The following MAML2 variants were observed in gnomAD, a reference collection of about 807,000 sequenced individuals.
The protein encoded by MAML2 is mastermind like transcriptional coactivator 2, also known as mastermind-like protein 2.
Under a neutral mutation model 96.1 loss-of-function variants are expected in MAML2, and 22 were observed. The ratio of observed to expected loss-of-function variants is 0.23; its 90% CI spans 0.16 to 0.33. The LOEUF (loss-of-function observed/expected upper bound fraction) is 0.33, where lower values mean the gene tolerates loss of function less well. Among genes scored for constraint, MAML2 ranks in the 10% least tolerant of loss-of-function variants. MAML2 has a pLI of 1.00. For missense variants in MAML2, 1,367 were observed against 1,392.4 expected (o/e 0.98, Z 0.29); for synonymous variants, 561 against 521.3 (o/e 1.08, Z -1.04).
At chr11:96,226,157 G>T (rs1288915244) in intron 1 of MAML2, among the ~76,000 whole-genome samples, 6 of 152,198 alleles carry the variant, frequency 3.9e-5, no homozygotes, top group Non-Finnish European at 8.8e-5. Flanking sequence ...CATGGGGATT[G>T]AATCTGAGGA....
chr11:96,256,631 A>G (rs563574), intron 1 of MAML2, among the ~76,000 whole-genome samples: 21,560 of 152,208 alleles, frequency 0.14, 1,709 homozygotes, highest in Admixed American at 0.21. Context: ...TTCCCATGTT[A>G]CATGGTAAGT....
chr11:96,006,378 T>C (rs1018812432), intron 2 of MAML2, among the ~76,000 whole-genome samples: 2 of 152,186 alleles, frequency 1.3e-5, no homozygotes, highest in African/African-American at 4.8e-5. Context: ...AAAAGTCTAC[T>C]GTGGAGAAGA....
intron 2 of MAML2, among the ~76,000 whole-genome samples, chr11:96,057,280 A>G (rs1859085007): frequency 6.6e-6 from 1 of 152,100 alleles, no homozygotes. Flanking sequence ...TTCGTTCCTG[A>G]TTTGGAGTTG....
At chr11:96,186,014 C>T (rs1461410014) in intron 1 of MAML2, among the ~76,000 whole-genome samples, 2 of 152,164 alleles carry the variant, frequency 1.3e-5, no homozygotes, top group South Asian at 2.1e-4. Flanking sequence ...TGCATTTTAA[C>T]GAGACCTAGG....
intron 2 of MAML2, among the ~76,000 whole-genome samples, chr11:96,077,196 C>T (rs1316531447): frequency 7.4e-6 from 1 of 135,102 alleles, no homozygotes; most frequent in African/African-American, 2.7e-5. Flanking sequence ...CTCTTTCTGA[C>T]TTTTTACCCC....
At chr11:96,002,938 GA>G (rs1858115082) in intron 2 of MAML2, among the ~76,000 whole-genome samples, 1 of 150,080 alleles carries the variant, frequency 6.7e-6, no homozygotes, top group African/African-American at 2.5e-5. Context: ...AGATGATGGG[GA>G]TGATAAGAAG....
intron 2 of MAML2, among the ~76,000 whole-genome samples, chr11:96,072,440 G>A (rs1470249865): frequency 6.6e-6 from 1 of 152,218 alleles, no homozygotes; most frequent in African/African-American, 2.4e-5. Context: ...AATGAACTTA[G>A]AGAGAAGCTA....
At chr11:96,076,132 G>A (rs934209557) in intron 2 of MAML2, among the ~76,000 whole-genome samples, 3 of 152,152 alleles carry the variant, frequency 2.0e-5, no homozygotes, top group African/African-American at 7.2e-5. Context: ...CAAGAGGTGT[G>A]ATCCTCATAG....
At chr11:96,325,712 A>C (rs1290279256) in intron 1 of MAML2, among the ~76,000 whole-genome samples, 1 of 152,134 alleles carries the variant, frequency 6.6e-6, no homozygotes, top group Non-Finnish European at 1.5e-5. Flanking sequence ...TAACTCTCAA[A>C]ACTTGATGAT....
At chr11:96,285,839 G>T (rs1863131359) in intron 1 of MAML2, among the ~76,000 whole-genome samples, 1 of 152,214 alleles carries the variant, frequency 6.6e-6, no homozygotes, top group African/African-American at 2.4e-5. Context: ...TGCTGGTGAG[G>T]TTGCAAAGAA....
intron 2 of MAML2, among the ~76,000 whole-genome samples, chr11:95,997,733 C>G (rs1187056271): frequency 1.3e-5 from 2 of 152,142 alleles, no homozygotes; most frequent in Non-Finnish European, 2.9e-5. Context: ...TATTTCTGAG[C>G]TGTACACAAG....
intron 1 of MAML2, among the ~76,000 whole-genome samples, chr11:96,292,025 C>T (rs1304468270): frequency 3.3e-5 from 5 of 152,144 alleles, no homozygotes; most frequent in Non-Finnish European, 7.3e-5. Context: ...TTAGAAATAC[C>T]TGAGTACTAA....
At chr11:96,272,643 G>A (rs1862933106) in intron 1 of MAML2, among the ~76,000 whole-genome samples, 1 of 152,182 alleles carries the variant, frequency 6.6e-6, no homozygotes, top group South Asian at 2.1e-4. Flanking sequence ...CTGGAAGTCA[G>A]CAAACACCAG....
chr11:96,329,363 G>A (rs1416897757), intron 1 of MAML2, among the ~76,000 whole-genome samples: 6 of 152,012 alleles, frequency 3.9e-5, no homozygotes, highest in East Asian at 3.8e-4. Context: ...TCCCCCTTCC[G>A]CCATGGCTGG....
chr11:96,128,326 G>A (rs1182231665), intron 1 of MAML2, among the ~76,000 whole-genome samples: 3 of 152,080 alleles, frequency 2.0e-5, no homozygotes, highest in Non-Finnish European at 2.9e-5. Context: ...CCTGGAAGGC[G>A]GAGGTTGCAG....
intron 2 of MAML2, among the ~76,000 whole-genome samples, chr11:96,035,653 G>C (rs1858699394): frequency 6.6e-6 from 1 of 152,204 alleles, no homozygotes; most frequent in Admixed American, 6.5e-5. Context: ...CACAGAGACA[G>C]GGAAGATTAC....
intron 1 of MAML2, among the ~76,000 whole-genome samples, chr11:96,140,406 GGTAT>G (rs1219378120): frequency 6.6e-6 from 1 of 152,194 alleles, no homozygotes. Context: ...CCTCTGGTGA[GGTAT>G]GTAGTTTTGG....
At chr11:96,143,398 C>T (rs1222757327) in intron 1 of MAML2, among the ~76,000 whole-genome samples, 1 of 152,140 alleles carries the variant, frequency 6.6e-6, no homozygotes, top group Non-Finnish European at 1.5e-5. Context: ...TTTGAGCCCT[C>T]GGTCATGTCG....
rs568403365 is a variant in MAML2 at position 96,029,632 on chromosome 11, C to T, written c.2140-37909G>A. On this transcript the variant is annotated intron_variant, in intron 2 of 4. Coordinates refer to ENST00000524717, the MANE Select transcript of MAML2 (RefSeq NM_032427.4). Reference sequence around the variant, plus strand: ...TCTCAAAAATAGGCTGTGTTAACATCTCTCACCTGTATCTGTCCTCCCATC... The same window carrying T: ...TCTCAAAAATAGGCTGTGTTAACATTTCTCACCTGTATCTGTCCTCCCATC... Among the ~76,000 whole-genome samples the T allele has an allele frequency of 1.2e-4, 19 of 152,270 alleles. No individual in the cohort carries two copies. The East Asian group carries it at 3.7e-3, about 29-fold the overall frequency.
Sources: gnomAD v4.1 joint callset for allele counts (sites outside exome capture counted in the v4.1 genomes callset) on GRCh38, gnomAD v4.1.1 for gene constraint, MANE v1.5 for transcripts, NCBI Gene and HGNC (gene_info 2026-07-23, HGNC 2026-07-21) for gene names.